Variants in ZNRF2 observed in about 807,000 individuals in gnomAD.
ZNRF2 encodes E3 ubiquitin-protein ligase ZNRF2.
In ZNRF2, 16 loss-of-function variants were observed where a neutral mutation model predicts 20.4. That is an observed-to-expected ratio of 0.79 (90% confidence interval 0.53 to 1.19). The LOEUF (loss-of-function observed/expected upper bound fraction) is 1.19, where lower values mean the gene tolerates loss of function less well. ZNRF2 is among the 50% of genes most tolerant of loss of function. The pLI, the probability that ZNRF2 is intolerant of heterozygous loss-of-function variation, is 0.00. For missense variants in ZNRF2, 363 were observed against 332.4 expected, an observed-to-expected ratio of 1.09 and a Z score of -0.72; for synonymous variants, 178 against 144.9, an observed-to-expected ratio of 1.23 and a Z score of -1.64.
intron 1 of ZNRF2, among the ~76,000 whole-genome samples, chr7:30,318,659 G>A (rs2128062071): frequency 6.6e-6 from 1 of 152,324 alleles, no homozygotes; most frequent in South Asian, 2.1e-4. Flanking sequence ...TGAGTTAAAA[G>A]TAGGGTTGGG....
At chr7:30,314,124 C>CT (rs1799329851) in intron 1 of ZNRF2, among the ~76,000 whole-genome samples, 1 of 152,144 alleles carries the variant, frequency 6.6e-6, no homozygotes, top group Non-Finnish European at 1.5e-5. Flanking sequence ...ACGTTGTACT[C>CT]TGTTTGACAT....
chr7:30,294,178 A>C (rs1207613863), intron 1 of ZNRF2, among the ~76,000 whole-genome samples: 12 of 151,842 alleles, frequency 7.9e-5, no homozygotes, highest in Admixed American at 7.9e-4. Context: ...GTTCGTTCTC[A>C]TTTTGTAAAG....
chr7:30,317,264 A>T (rs1438683523), intron 1 of ZNRF2, among the ~76,000 whole-genome samples: 1 of 152,248 alleles, frequency 6.6e-6, no homozygotes, highest in Non-Finnish European at 1.5e-5. Context: ...TGTAACACGC[A>T]GAATAATATG....
chr7:30,352,194 G>T (rs1000450291), intron 2 of ZNRF2, among the ~76,000 whole-genome samples: 1 of 151,880 alleles, frequency 6.6e-6, no homozygotes, highest in African/African-American at 2.4e-5. Context: ...ATTTTTGTTC[G>T]TGAGAATGGA....
chr7:30,308,856 T>C (rs1201662867), intron 1 of ZNRF2, among the ~76,000 whole-genome samples: 3 of 152,160 alleles, frequency 2.0e-5, no homozygotes, highest in Non-Finnish European at 4.4e-5. Context: ...GACTTAGATT[T>C]ACTACAGACT....
chr7:30,289,429 A>G (rs987753223), intron 1 of ZNRF2, among the ~76,000 whole-genome samples: 3 of 152,142 alleles, frequency 2.0e-5, no homozygotes, highest in Non-Finnish European at 1.5e-5. Flanking sequence ...AAGTGCCAAA[A>G]TGTTTGAATT....
chr7:30,293,271 T>A (rs1378315398), intron 1 of ZNRF2, among the ~76,000 whole-genome samples: 2 of 148,018 alleles, frequency 1.4e-5, no homozygotes, highest in Non-Finnish European at 3.0e-5. Context: ...TTTTTTGGGA[T>A]GGAGTCTTGC....
chr7:30,350,480 A>G (rs370048248), intron 2 of ZNRF2, among the ~76,000 whole-genome samples: 1 of 152,002 alleles, frequency 6.6e-6, no homozygotes, highest in South Asian at 2.1e-4. Context: ...AGATTAATAA[A>G]CGTTATTCCC....
At chr7:30,319,970 C>T (rs1050928715) in intron 1 of ZNRF2, among the ~76,000 whole-genome samples, 3 of 152,078 alleles carry the variant, frequency 2.0e-5, no homozygotes, top group Non-Finnish European at 4.4e-5. Context: ...AGAGATAATT[C>T]CTATAGTTGT....
chr7:30,326,356 T>G (rs1799551900), intron 2 of ZNRF2, among the ~76,000 whole-genome samples: 1 of 152,202 alleles, frequency 6.6e-6, no homozygotes, highest in Non-Finnish European at 1.5e-5. Flanking sequence ...TCTCATCATT[T>G]AGCTCCCACT....
At position 30,296,660 on chromosome 7, in the gene ZNRF2, C is replaced by G. The variant is rs13307805; in HGVS notation, c.469+10834C>G. Among the ~76,000 whole-genome samples, 16 of 152,322 alleles carry G rather than the reference C, an allele frequency of 1.1e-4. No homozygotes were observed. In the East Asian group the frequency reaches 1.7e-3, roughly 17 times the overall value. ...ACAGCATATCTGGTCACCTTGAAAT[C>G]TCAGTTCCTTAATAACTCCTTTTGT... is the stretch of plus-strand genomic sequence containing the variant. On this transcript the variant is annotated intron_variant, in intron 1 of 4. Coordinates refer to ENST00000323037, the MANE Select transcript of ZNRF2 (RefSeq NM_147128.4).
chr7:30,296,019 CA>C (rs1799014767), intron 1 of ZNRF2, among the ~76,000 whole-genome samples: 1 of 152,124 alleles, frequency 6.6e-6, no homozygotes, highest in Admixed American at 6.5e-5. Context: ...AGTTTTTCAG[CA>C]CATTTACTAT....
intron 1 of ZNRF2, among the ~76,000 whole-genome samples, chr7:30,313,388 G>A (rs140177861): frequency 6.6e-6 from 1 of 152,038 alleles, no homozygotes; most frequent in African/African-American, 2.4e-5. Context: ...GTTACATGTG[G>A]CCTCATAGGC....
intron 2 of ZNRF2, among the ~76,000 whole-genome samples, chr7:30,336,751 T>C (rs998244254): frequency 1.3e-5 from 2 of 152,172 alleles, no homozygotes; most frequent in Non-Finnish European, 2.9e-5. Context: ...CATACTTCTC[T>C]ATATTTTAAA....
chr7:30,285,608 G>T lies in ZNRF2; in HGVS notation c.251G>T (p.Gly84Val), dbSNP rs1798768196. The T allele has an allele frequency of 8.5e-7, 1 of 1,181,088 alleles. No individual in the cohort carries two copies. The highest frequency in any genetic ancestry group is 1.6e-5 in the African/African-American group (1 of 61,430). The allele number at this position is 1,181,088 out of a possible 1,614,324, so 73.2% of individuals were successfully genotyped here. The change falls in exon 1 of 5, where the codon GGC (glycine) becomes GTC (valine). Residue 84 changes from glycine (G) to valine (V), a missense_variant. By Grantham distance (109) the Gly-to-Val change is moderately radical. Around this residue, in one of 2 missense-constraint regions of ZNRF2, gnomAD observed 302 missense variants for 231.5 expected, o/e 1.30. Coordinates refer to ENST00000323037, the MANE Select transcript of ZNRF2 (RefSeq NM_147128.4). ...GCGGCCCCGCGCAGCCGCTCCCTCG[G>T]CGGGGCCGTGGGGAGCGTGGCGTCG... is the stretch of plus-strand genomic sequence containing the variant. ...APAAPRSRSL[G>V]GAVGSVASGA... is the part of the protein sequence containing the mutation.
At chr7:30,346,779 C>A (rs1231581771) in intron 2 of ZNRF2, among the ~76,000 whole-genome samples, 1 of 151,978 alleles carries the variant, frequency 6.6e-6, no homozygotes, top group Non-Finnish European at 1.5e-5. Flanking sequence ...GGATTACTTT[C>A]TTCTAGTATT....
intron 3 of ZNRF2, among the ~76,000 whole-genome samples, chr7:30,359,208 G>C (rs1404731306): frequency 1.3e-5 from 2 of 152,124 alleles, no homozygotes; most frequent in Non-Finnish European, 2.9e-5. Context: ...AAATGTTTTT[G>C]ACTTCTTGGT....
intron 3 of ZNRF2, among the ~76,000 whole-genome samples, chr7:30,356,699 ATTTTTTTT>A (rs139265962): frequency 6.8e-5 from 5 of 73,230 alleles, no homozygotes; most frequent in South Asian, 5.4e-4. Context: ...ATAACATTGT[ATTTTTTTT>A]TTTTTTTTTT....
chr7:30,361,675 T>C (rs1800129260), intron 3 of ZNRF2, among the ~76,000 whole-genome samples: 1 of 152,228 alleles, frequency 6.6e-6, no homozygotes, highest in Admixed American at 6.5e-5. Flanking sequence ...CATGTTGCTG[T>C]TGAGTGCTTG....
Sources: allele counts gnomAD v4.1 joint callset (sites outside exome capture counted in the v4.1 genomes callset), GRCh38; gene constraint gnomAD v4.1.1; regional missense constraint gnomAD v4.1.1; transcripts MANE v1.5; gene names NCBI Gene and HGNC (gene_info 2026-07-23, HGNC 2026-07-21).